Variants in FAM110C observed in about 807,000 individuals in gnomAD.
FAM110C encodes the protein family with sequence similarity 110 member C, also known as protein FAM110C.
A neutral mutation model predicts 15.7 loss-of-function variants in FAM110C; 19 were observed. The observed-to-expected ratio is 1.21, with a 90% CI of 0.85 to 1.78. The LOEUF is 1.78. Ranked by LOEUF, FAM110C falls within the 40% of genes most tolerant of loss-of-function variation. The pLI, the probability that FAM110C is intolerant of heterozygous loss-of-function variation, is 0.00. For synonymous variants in FAM110C, 275 were observed against 233.9 expected (o/e 1.18, Z -1.61); for missense variants, 547 against 495.7 (o/e 1.10, Z -0.98).
rs1482614937 is a variant in FAM110C, at chr2:40,742, T to G, written c.*866A>C. 6.6e-6 allele frequency: 1 copy of G among 152,218 alleles called. No homozygotes were observed. Among genetic ancestry groups the G allele is most frequent in the Admixed American group, 6.5e-5 (1 of 15,280 alleles). The allele number at this position is 152,218 out of a possible 1,614,324, so 9.4% of individuals were successfully genotyped here. ...CTGTGTAAACCAAAGTTTTCTGTTC[T>G]TTTTGGAAGTTGGGAACAAGAGAAC... On this transcript the variant is annotated 3_prime_UTR_variant, in exon 2 of 2. Coordinates refer to ENST00000327669, the MANE Select transcript of FAM110C (RefSeq NM_001077710.3).
Position 41,756 on chromosome 2 carries a change from ATCT to A in FAM110C, c.947-132_947-130del, listed in dbSNP as rs1400715477. 9 of 1,378,126 alleles carry A rather than the reference ATCT, an allele frequency of 6.5e-6. No homozygotes were observed. In the East Asian group the frequency reaches 1.1e-4, roughly 17 times the overall value. 85.4% of individuals were successfully genotyped at this position (1,378,126 alleles called of 1,614,324 possible). ...TCTGACATTCTCTGCATTTTGAAAC[ATCT>A]TCTTTTGCGTTTTAAATTTTGACAA... On this transcript the variant is annotated intron_variant, in intron 1 of 1. Transcript: ENST00000327669.
In FAM110C at chr2:41,609, C is replaced by T; in HGVS notation, c.965G>A (p.Ter322=). Residue 322 remains the stop codon, a stop_retained_variant, in exon 2 of 2, where the codon TGA becomes TAA. Transcript: ENST00000327669. ...ATGAAATCCTTCAAGAAGTCTTCAT[C>T]ATCGGGAAGGTTTGCTTCCTGAGGA... is the stretch of plus-strand genomic sequence containing the variant. ...SRTRGSKPSR[*] 1 of 1,613,708 alleles carries T rather than the reference C, an allele frequency of 6.2e-7. No individual in the cohort carries two copies. The highest frequency in any genetic ancestry group is 1.7e-5 in the Admixed American group (1 of 59,904).
intron 1 of FAM110C, among the ~76,000 whole-genome samples, chr2:42,493 T>C (rs528993356): frequency 5.3e-4 from 80 of 152,314 alleles, no homozygotes; most frequent in African/African-American, 1.9e-3. Context: ...GGAAGATGAC[T>C]ACATCACAGC....
Position 45,940 on chromosome 2 carries a change from G to C in FAM110C, c.446C>G (p.Pro149Arg), listed in dbSNP as rs780812752. ...GCCAGGAGTGGTCGGGACCGTCTCC[G>C]GGTTCCCGGCCTTGCCCTCGTCTCC... ...RTGDEGKAGN[P>R]ETVPTTPGPA... The change falls in exon 1 of 2, where the codon CCG becomes CGG. Residue 149 changes from proline (P) to arginine (R), a missense_variant. Coordinates refer to ENST00000327669, the MANE Select transcript of FAM110C (RefSeq NM_001077710.3). 5.6e-6 allele frequency: 8 copies of C among 1,423,936 alleles called. No individual in the cohort carries two copies. The highest frequency in any genetic ancestry group is 1.5e-5 in the African/African-American group (1 of 66,646). 88.2% of individuals were successfully genotyped at this position (1,423,936 alleles called of 1,614,324 possible).
chr2:45,205 AG>A, intron 1 of FAM110C: 1 of 985,448 alleles, frequency 1.0e-6, no homozygotes, highest in Non-Finnish European at 1.2e-6. Context: ...CAGACGCAGC[AG>A]ACTCCTAAGG....
rs1419733283 is a variant in FAM110C, at chr2:39,593, ATTC to A, written c.*2012_*2014del. The A allele has an allele frequency of 1.3e-5, 2 of 152,044 alleles. No individual in the cohort carries two copies. The highest frequency in any genetic ancestry group is 2.9e-5 in the Non-Finnish European group (2 of 68,012). 9.4% of individuals were successfully genotyped at this position (152,044 alleles called of 1,614,324 possible). A position where few individuals can be genotyped will look rare whatever the true frequency, so the allele number is the denominator to read the frequency against. On this transcript the variant is annotated 3_prime_UTR_variant, in exon 2 of 2. Transcript: ENST00000327669. Reference sequence around the variant, plus strand: ...TACTTCTAGAATTCACTCCAGCTGAATTCTTCTCTTTTCCTGTGCCACCACCAA... The same window carrying A: ...TACTTCTAGAATTCACTCCAGCTGAATTCTCTTTTCCTGTGCCACCACCAA...
chr2:43,990 A>C (rs1248475379), intron 1 of FAM110C: 1 of 985,308 alleles, frequency 1.0e-6, no homozygotes, highest in Non-Finnish European at 1.2e-6. Context: ...TGCTAACATA[A>C]GACAGGCCCT....
Position 45,666 on chromosome 2 carries a change from C to G in FAM110C, c.720G>C (p.Gly240=), listed in dbSNP as rs538322473. The G allele has an allele frequency of 6.2e-7, 1 of 1,609,300 alleles. No individual in the cohort carries two copies. The highest frequency in any genetic ancestry group is 1.1e-5 in the South Asian group (1 of 90,504). ...EALGRENFTA[G]SDCVTLKVRS... is the part of the protein sequence containing the mutation. ...GCACCTTGAGGGTCACACAGTCCGACCCCGCGGTGAAGTTCTCCCTCCCCA... is the reference window on the plus strand; with the variant it reads ...GCACCTTGAGGGTCACACAGTCCGAGCCCGCGGTGAAGTTCTCCCTCCCCA... The change falls in exon 1 of 2, where the codon GGG becomes GGC. Residue 240 remains glycine, a synonymous_variant. Transcript: ENST00000327669.
At chr2:41,781 A>G (rs918285422) in intron 1 of FAM110C, 154 bp from the exon 2 acceptor site, 5 of 985,276 alleles carry the variant, frequency 5.1e-6, no homozygotes, top group Non-Finnish European at 6.0e-6. Flanking sequence ...TTAAATTTTG[A>G]CAAGAGGTCA....
chr2:45,090 T>C (rs890376195), intron 1 of FAM110C: 11 of 985,276 alleles, frequency 1.1e-5, no homozygotes, highest in Admixed American at 6.1e-5. Context: ...GAAAGAATAC[T>C]AGGGGTGTAA....
chr2:42,187 C>T (rs1572061166), intron 1 of FAM110C: 2 of 985,366 alleles, frequency 2.0e-6, no homozygotes, highest in East Asian at 1.1e-4. Flanking sequence ...AGCTGGATGT[C>T]CCGGGTTTAT....
In FAM110C at chr2:45,817, C is replaced by T. The variant is rs777275744; in HGVS notation, c.569G>A (p.Arg190Gln). ...CTGCAGCCCCCGACGCCTCACCACC[C>T]GCGGCTCTGGCCCAGGGGGCGCGGC... The part of the protein sequence containing the change: ...VPAAPPGPEP[R>Q]VVRRRGLQRS... The change falls in exon 1 of 2, where the codon CGG becomes CAG. Residue 190 changes from arginine (R) to glutamine (Q), a missense_variant. Transcript: ENST00000327669. 1.9e-6 allele frequency: 3 copies of T among 1,545,642 alleles called. No homozygotes were observed. Among genetic ancestry groups the T allele is most frequent in the South Asian group, 2.4e-5 (2 of 84,428 alleles).
In FAM110C at chr2:41,187, T is replaced by C. The variant is rs80074258; in HGVS notation, c.*421A>G. The C allele has an allele frequency of 4.9e-3, 816 of 165,312 alleles. 4 individuals are homozygous for C. The highest frequency in any genetic ancestry group is 0.018 in the African/African-American group (756 of 42,128). 10.2% of individuals were successfully genotyped at this position (165,312 alleles called of 1,614,324 possible). On this transcript the variant is annotated 3_prime_UTR_variant, in exon 2 of 2. Transcript: ENST00000327669. ...ATTACTTTGATTTAAATGATGTTAA[T>C]CAGCCCAGGATGGTCAAAAGGGGCA... is the stretch of plus-strand genomic sequence containing the variant.
In FAM110C at chr2:46,098, T is replaced by C. The variant is rs761925817; in HGVS notation, c.288A>G (p.Arg96=). 4 of 1,510,148 alleles carry C rather than the reference T, an allele frequency of 2.6e-6. No homozygotes were observed. The African/African-American group carries it at 5.8e-5, about 22-fold the overall frequency. 93.5% of individuals were successfully genotyped at this position (1,510,148 alleles called of 1,614,324 possible). The change falls in exon 1 of 2, where the codon AGA becomes AGG. Residue 96 remains arginine (R), a synonymous_variant. Coordinates refer to ENST00000327669, the MANE Select transcript of FAM110C (RefSeq NM_001077710.3). The part of the protein sequence containing the change: ...ARRAIARKPL[R]PDSLIIYRQK... Reference sequence around the variant, plus strand: ...GCCGGTAGATGATCAGCGAGTCCGGTCTCAACGGCTTCCGCGCAATAGCCC... The same window carrying C: ...GCCGGTAGATGATCAGCGAGTCCGGCCTCAACGGCTTCCGCGCAATAGCCC...
intron 1 of FAM110C, 70 bp from the exon 2 acceptor site, chr2:41,697 C>G (rs1233463797): frequency 6.2e-7 from 1 of 1,602,942 alleles, no homozygotes; most frequent in Admixed American, 1.7e-5. Context: ...GAAAACTAAA[C>G]ATTATACTGG....
intron 1 of FAM110C, chr2:44,080 A>G (rs1664208200): frequency 1.0e-6 from 1 of 985,374 alleles, no homozygotes; most frequent in African/African-American, 1.7e-5. Flanking sequence ...TGCCCTACAC[A>G]TGGTGCCATC....
In FAM110C at chr2:40,207, T is replaced by C. The variant is rs1298295206; in HGVS notation, c.*1401A>G. ...AAAATCATATGAAGTAAAATAAAAC[T>C]ATCTGAAGACTAATAACTGTGTAAA... On this transcript the variant is annotated 3_prime_UTR_variant, in exon 2 of 2. Coordinates refer to ENST00000327669, the MANE Select transcript of FAM110C (RefSeq NM_001077710.3). The C allele has an allele frequency of 6.6e-6, 1 of 152,186 alleles. No individual in the cohort carries two copies. The allele number at this position is 152,186 out of a possible 1,614,324, so 9.4% of individuals were successfully genotyped here. A position where few individuals can be genotyped will look rare whatever the true frequency, so the allele number is the denominator to read the frequency against.
chr2:46,092 G>A lies in FAM110C; in HGVS notation c.294C>T (p.Asp98=), dbSNP rs768957501. The A allele has an allele frequency of 3.3e-6, 5 of 1,519,276 alleles. No individual in the cohort carries two copies. The South Asian group carries it at 6.1e-5, about 19-fold the overall frequency. The allele number at this position is 1,519,276 out of a possible 1,614,324, so 94.1% of individuals were successfully genotyped here. The change falls in exon 1 of 2, where the codon GAC becomes GAT. Residue 98 remains aspartate, a synonymous_variant. Coordinates refer to ENST00000327669, the MANE Select transcript of FAM110C (RefSeq NM_001077710.3). ...RAIARKPLRP[D]SLIIYRQKCE... ...ATTTCTGCCGGTAGATGATCAGCGA[G>A]TCCGGTCTCAACGGCTTCCGCGCAA...
chr2:43,028 G>C, intron 1 of FAM110C: 1 of 985,476 alleles, frequency 1.0e-6, no homozygotes, highest in Non-Finnish European at 1.2e-6. Flanking sequence ...TCCTCCAGTG[G>C]GAACACCAGT....
Sources: gnomAD v4.1 joint callset for allele counts (sites outside exome capture counted in the v4.1 genomes callset) on GRCh38, gnomAD v4.1.1 for gene constraint, MANE v1.5 for transcripts, NCBI Gene and HGNC (gene_info 2026-07-23, HGNC 2026-07-21) for gene names.